SORCS2: variants seen among roughly 807,000 people sequenced by gnomAD.
SORCS2 encodes the protein VPS10 domain-containing receptor SorCS2.
SORCS2 carries 100 observed loss-of-function variants against 141.6 expected under a neutral mutation model. That is an observed-to-expected ratio of 0.71 (90% CI 0.60 to 0.83). The LOEUF (loss-of-function observed/expected upper bound fraction) is 0.83. Ranked by LOEUF, SORCS2 falls within the 40% of genes least tolerant of loss-of-function variation. The pLI is 0.00. For synonymous variants in SORCS2, 789 were observed against 676.9 expected, an observed-to-expected ratio of 1.17 and a Z score of -2.57; for missense variants, 1,646 against 1,560.2, an observed-to-expected ratio of 1.05 and a Z score of -0.93.
chr4:7,192,814 G>T lies in SORCS2; in HGVS notation c.168G>T (p.Gly56=). 1 of 1,027,664 alleles carries T rather than the reference G, an allele frequency of 9.7e-7. No homozygotes were observed. The allele number at this position is 1,027,664 out of a possible 1,614,324, so 63.7% of individuals were successfully genotyped here. The change falls in exon 1 of 27, where the codon GGG becomes GGT. Residue 56 remains glycine (G), a synonymous_variant. Transcript: ENST00000507866. This position sits in a 1 kb window ranked among gnomAD's most constrained non-coding sequence, Gnocchi z 4.0. ...CGGCGGGGCGCTCCCCTGAGCCCGG[G>T]CGCCTGGGTCCTCACGCCCAACTGA... The part of the protein sequence containing the change: ...CGAAGRSPEP[G]RLGPHAQLTR...
In SORCS2 at chr4:7,537,153, G is replaced by A. The variant is rs147219935; in HGVS notation, c.648+5524G>A. On this transcript the variant is annotated intron_variant, in intron 3 of 26. Coordinates refer to ENST00000507866, the MANE Select transcript of SORCS2 (RefSeq NM_020777.3). The stretch of plus-strand genomic sequence containing the variant: ...AATCAGCAGCTCCTTACTGCACACC[G>A]GGCGCAGTCTGGGGGCTGCTGAGCT... 3.9e-3 allele frequency among the ~76,000 whole-genome samples: 593 copies of A among 152,296 alleles called. 4 individuals are homozygous for A. The highest frequency in any genetic ancestry group is 0.013 in the African/African-American group (557 of 41,566).
intron 6 of SORCS2, among the ~76,000 whole-genome samples, chr4:7,661,812 G>A (rs553546311): frequency 1.3e-5 from 2 of 152,192 alleles, no homozygotes; most frequent in Non-Finnish European, 2.9e-5. Flanking sequence ...TGAGCATTGA[G>A]TGTTTCCCAC....
At chr4:7,495,149 C>A (rs2109411738) in intron 2 of SORCS2, among the ~76,000 whole-genome samples, 1 of 152,344 alleles carries the variant, frequency 6.6e-6, no homozygotes, top group South Asian at 2.1e-4. Flanking sequence ...ACCGTGTGGC[C>A]ATCACTGCAG....
intron 1 of SORCS2, among the ~76,000 whole-genome samples, chr4:7,374,752 A>G (rs1722529012): frequency 6.6e-6 from 1 of 152,194 alleles, no homozygotes; most frequent in Non-Finnish European, 1.5e-5. Flanking sequence ...TGGCAGGCTC[A>G]GGCTTAGAGT....
At chr4:7,225,411 C>T (rs371823559) in intron 1 of SORCS2, among the ~76,000 whole-genome samples, 22 of 152,220 alleles carry the variant, frequency 1.4e-4, no homozygotes, top group African/African-American at 5.1e-4. Flanking sequence ...GCACTGAGAA[C>T]AGCATTTTGC....
chr4:7,286,977 A>G lies in SORCS2; in HGVS notation c.480+93851A>G, dbSNP rs916945949. On this transcript the variant is annotated intron_variant, in intron 1 of 26. Coordinates refer to ENST00000507866, the MANE Select transcript of SORCS2 (RefSeq NM_020777.3). The surrounding 1 kb of genome is among the most constrained non-coding windows in gnomAD (Gnocchi z 4.1). ...CACTGGTACGAACGCTTCTTGCATCAGGTGGCTGCAGCCCGGCCTGGGAGT... is the reference window on the plus strand; with the variant it reads ...CACTGGTACGAACGCTTCTTGCATCGGGTGGCTGCAGCCCGGCCTGGGAGT... 1.3e-5 allele frequency among the ~76,000 whole-genome samples: 2 copies of G among 152,218 alleles called. No individual in the cohort carries two copies. Among genetic ancestry groups the G allele is most frequent in the African/African-American group, 2.4e-5 (1 of 41,452 alleles).
At chr4:7,305,499 C>G (rs1280009121) in intron 1 of SORCS2, among the ~76,000 whole-genome samples, 1 of 152,162 alleles carries the variant, frequency 6.6e-6, no homozygotes, top group East Asian at 1.9e-4. Flanking sequence ...CTCCCCTCTC[C>G]GTCGTCTGCT....
chr4:7,602,305 C>A (rs1459771353), intron 3 of SORCS2, among the ~76,000 whole-genome samples: 2 of 151,724 alleles, frequency 1.3e-5, no homozygotes, highest in Non-Finnish European at 2.9e-5. Flanking sequence ...GGGGGCTGTC[C>A]CCCACCTCCT....
chr4:7,495,848 C>T (rs1731583337), intron 2 of SORCS2, among the ~76,000 whole-genome samples: 1 of 152,228 alleles, frequency 6.6e-6, no homozygotes, highest in African/African-American at 2.4e-5. Context: ...GGGCCGCAGC[C>T]CCCACCCACC....
chr4:7,564,775 G>A (rs945698905), intron 3 of SORCS2, among the ~76,000 whole-genome samples: 13 of 152,244 alleles, frequency 8.5e-5, no homozygotes, highest in Admixed American at 5.9e-4. Context: ...TGCCACAGTC[G>A]CTGTTACAAT....
intron 11 of SORCS2, among the ~76,000 whole-genome samples, chr4:7,693,510 AT>A (rs1724391510): frequency 6.6e-6 from 1 of 152,170 alleles, no homozygotes; most frequent in South Asian, 2.1e-4. Flanking sequence ...GCCCCAGGTG[AT>A]TATGGAGCCT....
chr4:7,539,948 C>T (rs901629724), intron 3 of SORCS2, among the ~76,000 whole-genome samples: 1 of 151,290 alleles, frequency 6.6e-6, no homozygotes, highest in African/African-American at 2.4e-5. Flanking sequence ...AAGGTCTCAC[C>T]CCCTCCCTGC....
chr4:7,406,423 T>C (rs926191623), intron 2 of SORCS2, among the ~76,000 whole-genome samples: 4 of 151,602 alleles, frequency 2.6e-5, no homozygotes, highest in African/African-American at 7.3e-5. Context: ...TACTAATTGT[T>C]GACTTATTGA....
chr4:7,288,460 G>C (rs1325293840), intron 1 of SORCS2, among the ~76,000 whole-genome samples: 1 of 150,518 alleles, frequency 6.6e-6, no homozygotes, highest in Non-Finnish European at 1.5e-5. Context: ...CTGGAGGCTG[G>C]ATGTCCAAGA....
At chr4:7,721,856 T>C (rs1726608895) in intron 18 of SORCS2, among the ~76,000 whole-genome samples, 2 of 152,200 alleles carry the variant, frequency 1.3e-5, no homozygotes, top group East Asian at 1.9e-4. Context: ...TCCGTACAAC[T>C]ACATAGGAGC....
chr4:7,505,400 T>C (rs1732217562), intron 2 of SORCS2, among the ~76,000 whole-genome samples: 2 of 151,796 alleles, frequency 1.3e-5, no homozygotes, highest in African/African-American at 4.8e-5. Context: ...GAGCTCCGTG[T>C]GCACAGAGAC....
intron 11 of SORCS2, among the ~76,000 whole-genome samples, chr4:7,691,658 G>C (rs1443379415): frequency 1.3e-5 from 2 of 152,012 alleles, no homozygotes; most frequent in Non-Finnish European, 2.9e-5. Context: ...ATGTGAAGCC[G>C]CTGACTGCCT....
intron 1 of SORCS2, among the ~76,000 whole-genome samples, chr4:7,330,440 C>T (rs962122499): frequency 3.3e-5 from 5 of 151,738 alleles, no homozygotes; most frequent in South Asian, 2.1e-4. Context: ...GGTTGAGCTG[C>T]GATTCCTACC....
At chr4:7,387,854 A>G (rs1355793270) in intron 1 of SORCS2, among the ~76,000 whole-genome samples, 1 of 118,996 alleles carries the variant, frequency 8.4e-6, no homozygotes, top group Non-Finnish European at 2.0e-5. Context: ...ATGCACACAC[A>G]TACAGGTACA....
Sources: allele counts gnomAD v4.1 joint callset (sites outside exome capture counted in the v4.1 genomes callset), GRCh38; gene constraint gnomAD v4.1.1; non-coding constraint Gnocchi (gnomAD v3.1); transcripts MANE v1.5; gene names NCBI Gene and HGNC (gene_info 2026-07-23, HGNC 2026-07-21).